SWT1: variants seen among roughly 807,000 people sequenced by gnomAD.
SWT1 encodes SWT1 RNA endoribonuclease homolog.
In SWT1, 33 loss-of-function variants were observed where a neutral mutation model predicts 107.3. That is an observed-to-expected ratio of 0.31 (90% CI 0.23 to 0.41). The LOEUF (loss-of-function observed/expected upper bound fraction) is 0.41. Ranked by LOEUF, SWT1 falls within the 10% of genes least tolerant of loss-of-function variation. SWT1 has a pLI of 1.00. For missense variants in SWT1, 898 were observed against 1,028.9 expected (o/e 0.87, Z 1.74); for synonymous variants, 345 against 348.3 (o/e 0.99, Z 0.11).
chr1:185,257,735 G>A (rs866862645), intron 16 of SWT1, among the ~76,000 whole-genome samples: 56 of 152,298 alleles, frequency 3.7e-4, no homozygotes, highest in Middle Eastern at 3.4e-3. Flanking sequence ...AGAAATCACC[G>A]CCTTCTGCGT....
chr1:185,235,637 TG>T (rs970705085), intron 16 of SWT1, among the ~76,000 whole-genome samples: 3 of 150,454 alleles, frequency 2.0e-5, no homozygotes, highest in Non-Finnish European at 4.5e-5. Flanking sequence ...AAAGCATTCC[TG>T]GCAGAAGACA....
At chr1:185,158,509 CTTT>C (rs145202662) in intron 1 of SWT1, among the ~76,000 whole-genome samples, 3 of 138,194 alleles carry the variant, frequency 2.2e-5, no homozygotes, top group Non-Finnish European at 1.6e-5. Flanking sequence ...GTTCTCATTT[CTTT>C]TTTTTTTTTT....
chr1:185,261,677 T>C (rs1220388601), intron 16 of SWT1, among the ~76,000 whole-genome samples: 2 of 113,508 alleles, frequency 1.8e-5, no homozygotes, highest in Non-Finnish European at 3.9e-5. Context: ...TTTCTGCTTT[T>C]TTTTTTTTTT....
At chr1:185,165,710 T>G (rs551494428) in intron 2 of SWT1, among the ~76,000 whole-genome samples, 15 of 152,242 alleles carry the variant, frequency 9.9e-5, no homozygotes, top group East Asian at 3.9e-4. Context: ...AGCCACCTCC[T>G]CTCCCCATCC....
At chr1:185,195,083 T>C (rs1657270846) in intron 10 of SWT1, among the ~76,000 whole-genome samples, 1 of 152,144 alleles carries the variant, frequency 6.6e-6, no homozygotes, top group African/African-American at 2.4e-5. Context: ...CGTGCCATGG[T>C]GATTTGCTGC....
At chr1:185,274,210 TAAG>T (rs547456089) in intron 17 of SWT1, among the ~76,000 whole-genome samples, 145 of 150,084 alleles carry the variant, frequency 9.7e-4, no homozygotes, top group African/African-American at 3.5e-3. Flanking sequence ...AATTAAAAAA[TAAG>T]AATATGTAGA....
chr1:185,281,985 G>A (rs35109137), intron 18 of SWT1, among the ~76,000 whole-genome samples: 135 of 152,236 alleles, frequency 8.9e-4, no homozygotes, highest in African/African-American at 3.1e-3. Context: ...ATGGATAGAG[G>A]GACTGATCTT....
chr1:185,174,356 C>G lies in SWT1; in HGVS notation c.225-16C>G, dbSNP rs200900694. 1.3e-4 allele frequency: 200 copies of G among 1,511,856 alleles called. No individual in the cohort carries two copies. Among genetic ancestry groups the G allele is most frequent in the Admixed American group, 2.7e-4 (11 of 41,004 alleles). 93.7% of individuals were successfully genotyped at this position (1,511,856 alleles called of 1,614,324 possible). A position where few individuals can be genotyped will look rare whatever the true frequency, so the allele number is the denominator to read the frequency against. The stretch of plus-strand genomic sequence containing the variant: ...TATAATTATAATGTAACCTAGGTTT[C>G]TGTGCTGTTTTACAGATTGAGTGTA... On this transcript the variant is annotated splice_polypyrimidine_tract_variant and intron_variant, in intron 4 of 18. Coordinates refer to ENST00000367500, the MANE Select transcript of SWT1 (RefSeq NM_017673.7).
chr1:185,163,284 T>C (rs148719145), intron 2 of SWT1, among the ~76,000 whole-genome samples: 54 of 152,302 alleles, frequency 3.5e-4, no homozygotes, highest in Admixed American at 7.8e-4. Flanking sequence ...TCTAAATCAT[T>C]TGTTCTCATT....
chr1:185,173,682 C>T (rs1312494905), intron 4 of SWT1, among the ~76,000 whole-genome samples: 1 of 151,942 alleles, frequency 6.6e-6, no homozygotes, highest in African/African-American at 2.4e-5. Context: ...GCACTCCAGC[C>T]TGGTGACAAA....
intron 16 of SWT1, among the ~76,000 whole-genome samples, chr1:185,258,291 C>T (rs951933896): frequency 1.3e-4 from 20 of 152,122 alleles, no homozygotes; most frequent in African/African-American, 4.6e-4. Context: ...CATCTTTCCT[C>T]TCCTTATTTT....
chr1:185,166,671 C>CTTTTAGTTAGTTA lies in SWT1; in HGVS notation c.165+20_165+21insTTTAGTTAGTTAT. 6.9e-7 allele frequency: 1 copy of CTTTTAGTTAGTTA among 1,456,168 alleles called. No homozygotes were observed. Among genetic ancestry groups the CTTTTAGTTAGTTA allele is most frequent in the Non-Finnish European group, 9.5e-7 (1 of 1,056,526 alleles). 90.2% of individuals were successfully genotyped at this position (1,456,168 alleles called of 1,614,324 possible). A position where few individuals can be genotyped will look rare whatever the true frequency, so the allele number is the denominator to read the frequency against. ...AAAACTGGTGAGTGTCTAGATATAACTAACTAAAAGTTATTTATGCTAAAG... is the reference window on the plus strand; with the variant it reads ...AAAACTGGTGAGTGTCTAGATATAACTTTTAGTTAGTTATAACTAAAAGTTATTTATGCTAAAG... On this transcript the variant is annotated intron_variant, in intron 3 of 18. Transcript: ENST00000367500.
chr1:185,226,369 T>C (rs533035164), intron 15 of SWT1, among the ~76,000 whole-genome samples: 119 of 152,316 alleles, frequency 7.8e-4, no homozygotes, highest in African/African-American at 2.8e-3. Flanking sequence ...ACATAATCGC[T>C]CATGGGCCTT....
chr1:185,257,455 C>T (rs553404220), intron 16 of SWT1, among the ~76,000 whole-genome samples: 6 of 152,196 alleles, frequency 3.9e-5, no homozygotes, highest in East Asian at 1.9e-4. Flanking sequence ...TAGGACCCTC[C>T]GAGCCAGGTG....
chr1:185,280,729 T>TA (rs1167407026), intron 18 of SWT1: 2 of 257,146 alleles, frequency 7.8e-6, no homozygotes, highest in Non-Finnish European at 1.5e-5. Context: ...GAACTGGCAG[T>TA]AGCTGCCAAA....
At chr1:185,212,982 TA>T (rs1326371544) in intron 13 of SWT1, among the ~76,000 whole-genome samples, 1 of 152,228 alleles carries the variant, frequency 6.6e-6, no homozygotes, top group East Asian at 1.9e-4. Context: ...GGAAAATGAC[TA>T]GTAACTTTTA....
intron 16 of SWT1, among the ~76,000 whole-genome samples, 188 bp downstream of exon 16, chr1:185,231,896 T>C (rs1330084096): frequency 2.6e-5 from 4 of 152,210 alleles, no homozygotes; most frequent in Non-Finnish European, 4.4e-5. Flanking sequence ...TTTATCGTTA[T>C]GTACCAAGAT....
chr1:185,243,666 C>G (rs183657695), intron 16 of SWT1, among the ~76,000 whole-genome samples: 5 of 152,264 alleles, frequency 3.3e-5, no homozygotes, highest in Admixed American at 2.6e-4. Context: ...GTTAACAAGG[C>G]ATGTTAAACC....
intron 16 of SWT1, among the ~76,000 whole-genome samples, chr1:185,232,383 G>C (rs1240577751): frequency 1.3e-5 from 2 of 152,272 alleles, no homozygotes; most frequent in East Asian, 3.9e-4. Flanking sequence ...ATACTTGACA[G>C]TATATTTTCT....
Sources: allele counts gnomAD v4.1 joint callset (sites outside exome capture counted in the v4.1 genomes callset), GRCh38; gene constraint gnomAD v4.1.1; transcripts MANE v1.5; gene names NCBI Gene and HGNC (gene_info 2026-07-23, HGNC 2026-07-21).